LRMDA: variants seen among roughly 807,000 people sequenced by gnomAD.
LRMDA encodes the protein leucine rich melanocyte differentiation associated.
Under a neutral mutation model 29.8 loss-of-function variants are expected in LRMDA, and 18 were observed. The observed-to-expected ratio is 0.60, with a 90% CI of 0.42 to 0.90. The LOEUF (loss-of-function observed/expected upper bound fraction) is 0.90, where lower values mean the gene tolerates loss of function less well. Among genes scored for constraint, LRMDA ranks in the 40% least tolerant of loss-of-function variants. The probability of loss-of-function intolerance (pLI) is 0.00; values close to 1 mark genes in which losing one functional copy is unlikely to be tolerated. For synonymous variants in LRMDA, 125 were observed against 109.4 expected, an observed-to-expected ratio of 1.14 and a Z score of -0.89; for missense variants, 273 against 273.9, an observed-to-expected ratio of 1.00 and a Z score of 0.02.
chr10:76,261,675 A>T lies in LRMDA; in HGVS notation c.517-62726A>T, dbSNP rs188396234. On this transcript the variant is annotated intron_variant, in intron 5 of 6. Transcript: ENST00000611255. ...TCATAAGCCTTGAAAAGCAACACACATGCCTTCAATAATGGGTCTGCAAGT... is the reference window on the plus strand; with the variant it reads ...TCATAAGCCTTGAAAAGCAACACACTTGCCTTCAATAATGGGTCTGCAAGT... Among the ~76,000 whole-genome samples, 52 of 152,320 alleles carry T rather than the reference A, an allele frequency of 3.4e-4. No individual in the cohort carries two copies. In the East Asian group the frequency reaches 9.5e-3, roughly 28 times the overall value.
At chr10:76,521,097 C>G (rs1843114525) in intron 6 of LRMDA, among the ~76,000 whole-genome samples, 1 of 150,558 alleles carries the variant, frequency 6.6e-6, no homozygotes, top group African/African-American at 2.4e-5. Flanking sequence ...TGGTTTCATG[C>G]TTTTCTCTGT....
chr10:75,612,027 A>T (rs1382334560), intron 2 of LRMDA, among the ~76,000 whole-genome samples: 2 of 152,180 alleles, frequency 1.3e-5, no homozygotes, highest in Admixed American at 1.3e-4. Flanking sequence ...ACCTCCAGAG[A>T]ATAAAAGGCC....
intron 5 of LRMDA, among the ~76,000 whole-genome samples, chr10:76,227,032 A>T (rs1029020037): frequency 6.6e-6 from 1 of 152,234 alleles, no homozygotes; most frequent in African/African-American, 2.4e-5. Context: ...AATATTATGG[A>T]AAGCCTGTCA....
At chr10:76,380,920 TAATA>T (rs1285757867) in intron 6 of LRMDA, among the ~76,000 whole-genome samples, 2 of 151,412 alleles carry the variant, frequency 1.3e-5, no homozygotes, top group East Asian at 1.9e-4. Context: ...TACTATAGAA[TAATA>T]AATAATTTCA....
chr10:75,526,331 C>G (rs1207349087), intron 2 of LRMDA, among the ~76,000 whole-genome samples: 2 of 151,592 alleles, frequency 1.3e-5, no homozygotes, highest in East Asian at 3.9e-4. Context: ...TCCCAAAGTG[C>G]TGGGATTACA....
intron 2 of LRMDA, among the ~76,000 whole-genome samples, chr10:75,591,454 T>TA (rs1379957413): frequency 9.9e-5 from 15 of 152,226 alleles, no homozygotes; most frequent in African/African-American, 3.6e-4. Context: ...AGGTGGGTCT[T>TA]AAGTCCAGGC....
At chr10:75,887,954 G>A (rs1057159945) in intron 2 of LRMDA, among the ~76,000 whole-genome samples, 7 of 152,128 alleles carry the variant, frequency 4.6e-5, no homozygotes, top group Non-Finnish European at 1.0e-4. Flanking sequence ...ACAAACATCC[G>A]ATCTTTTTAT....
chr10:76,142,290 T>G (rs867649261), intron 5 of LRMDA, among the ~76,000 whole-genome samples: 2 of 152,166 alleles, frequency 1.3e-5, no homozygotes, highest in African/African-American at 4.8e-5. Flanking sequence ...TGCATTTACA[T>G]AGTCTTAAAA....
rs540279613 is a variant in LRMDA, at chr10:75,520,972, G to A, written c.131+82478G>A. ...GCTGCAGGTCTGTTGGAGTTTGCTG[G>A]AGGTCTACTCCAGACCCTGTTTACC... On this transcript the variant is annotated intron_variant, in intron 2 of 6. Transcript: ENST00000611255. Among the ~76,000 whole-genome samples, 4 of 152,260 alleles carry A rather than the reference G, an allele frequency of 2.6e-5. No individual in the cohort carries two copies. The South Asian group carries it at 8.3e-4, about 32-fold the overall frequency.
chr10:75,979,164 GT>G (rs1389343337), intron 2 of LRMDA, among the ~76,000 whole-genome samples: 4 of 152,078 alleles, frequency 2.6e-5, no homozygotes. Context: ...TGTTCTTATT[GT>G]TATTATTTCT....
At chr10:75,731,076 G>A (rs1289262439) in intron 2 of LRMDA, among the ~76,000 whole-genome samples, 2 of 152,166 alleles carry the variant, frequency 1.3e-5, no homozygotes, top group Non-Finnish European at 2.9e-5. Flanking sequence ...TACATTGCTG[G>A]TGTCTGTATG....
intron 2 of LRMDA, among the ~76,000 whole-genome samples, chr10:75,681,224 A>G (rs1358643630): frequency 1.3e-5 from 2 of 152,218 alleles, no homozygotes; most frequent in Non-Finnish European, 2.9e-5. Flanking sequence ...GAGAGGAGTT[A>G]AGACAGAATG....
chr10:76,416,346 A>C lies in LRMDA; in HGVS notation c.601+91861A>C, dbSNP rs894370306. 1.6e-4 allele frequency among the ~76,000 whole-genome samples: 25 copies of C among 152,174 alleles called. 1 individual carries two copies. The highest frequency in any genetic ancestry group is 6.5e-5 in the Admixed American group (1 of 15,280). ...TGTCAAATATTTTTCAGAGATTTTA[A>C]AGAAATTAAAATTAACACTTGATTC... On this transcript the variant is annotated intron_variant, in intron 6 of 6. Coordinates refer to ENST00000611255, the MANE Select transcript of LRMDA (RefSeq NM_001305581.2).
intron 6 of LRMDA, among the ~76,000 whole-genome samples, chr10:76,520,274 TA>T (rs1843105404): frequency 6.6e-6 from 1 of 151,882 alleles, no homozygotes; most frequent in South Asian, 2.1e-4. Flanking sequence ...TTTTTTTTTT[TA>T]CAAGTTCCAT....
chr10:75,756,652 T>A (rs1361550286), intron 2 of LRMDA, among the ~76,000 whole-genome samples: 1 of 152,196 alleles, frequency 6.6e-6, no homozygotes, highest in Admixed American at 6.5e-5. Flanking sequence ...AATTATTGGG[T>A]GCTTTCCATG....
intron 2 of LRMDA, among the ~76,000 whole-genome samples, chr10:75,574,025 C>T (rs1840470760): frequency 6.6e-6 from 1 of 151,928 alleles, no homozygotes; most frequent in African/African-American, 2.4e-5. Flanking sequence ...AACAGCATGC[C>T]TCCTGGACTA....
intron 5 of LRMDA, among the ~76,000 whole-genome samples, chr10:76,092,811 T>A (rs991240080): frequency 6.6e-6 from 1 of 152,204 alleles, no homozygotes. Context: ...GCCCAATAGG[T>A]ACACACATCC....
chr10:75,614,782 GT>G lies in LRMDA; in HGVS notation c.131+176300del, dbSNP rs796459169. On this transcript the variant is annotated intron_variant, in intron 2 of 6. Coordinates refer to ENST00000611255, the MANE Select transcript of LRMDA (RefSeq NM_001305581.2). Reference sequence around the variant, plus strand: ...GGTTTTGTGGATATCAGTGGTGTTTGTTTTTTTTTTTTCCTTCTCTTTTGGA... The same window carrying G: ...GGTTTTGTGGATATCAGTGGTGTTTGTTTTTTTTTTTCCTTCTCTTTTGGA... Among the ~76,000 whole-genome samples the G allele has an allele frequency of 3.0e-3, 426 of 144,230 alleles. 3 individuals carry two copies. Among genetic ancestry groups the G allele is most frequent in the African/African-American group, 9.4e-3 (374 of 39,666 alleles). The allele number at this position is 144,230 out of a possible 152,430, so 94.6% of individuals were successfully genotyped here.
intron 3 of LRMDA, among the ~76,000 whole-genome samples, chr10:76,045,314 C>G (rs1417515116): frequency 1.4e-5 from 2 of 146,420 alleles, no homozygotes; most frequent in Admixed American, 1.4e-4. Context: ...GTTTCCCCCT[C>G]TCTTGCTAGT....
Sources: gnomAD v4.1 joint callset for allele counts (sites outside exome capture counted in the v4.1 genomes callset) on GRCh38, gnomAD v4.1.1 for gene constraint, MANE v1.5 for transcripts, NCBI Gene and HGNC (gene_info 2026-07-23, HGNC 2026-07-21) for gene names.